The following MDFIC2 variants were observed in gnomAD, a reference collection of about 807,000 sequenced individuals.
MDFIC2 encodes MyoD family inhibitor domain containing 2, also known as myoD family inhibitor domain-containing protein 2.
At chr3:70,306,168 G>A (rs150777205) in intron 2 of MDFIC2, among the ~76,000 whole-genome samples, 2 of 152,148 alleles carry the variant, frequency 1.3e-5, no homozygotes, top group African/African-American at 4.8e-5. Context: ...CAATGGCGTG[G>A]TCTCAGCTCA....
chr3:70,281,202 A>G (rs1702079308), intron 2 of MDFIC2, among the ~76,000 whole-genome samples: 1 of 152,080 alleles, frequency 6.6e-6, no homozygotes, highest in Non-Finnish European at 1.5e-5. Context: ...TGCCAGAAGG[A>G]TCATATTAAA....
chr3:70,283,366 G>A (rs1702107895), intron 2 of MDFIC2, among the ~76,000 whole-genome samples: 1 of 152,082 alleles, frequency 6.6e-6, no homozygotes, highest in African/African-American at 2.4e-5. Flanking sequence ...CTGGACTTTG[G>A]AGAACCTGAA....
In MDFIC2 at chr3:70,298,957, C is replaced by A. The variant is rs1202987002; in HGVS notation, c.88+12929G>T. ...AATACTTCTGCACATATATTTTATG[C>A]AACTAAGCTGAGGCATTGATGTGCA... On this transcript the variant is annotated intron_variant, in intron 2 of 3. Coordinates refer to ENST00000567252, the MANE Select transcript of MDFIC2 (RefSeq NM_001364677.1). Among the ~76,000 whole-genome samples the A allele has an allele frequency of 2.0e-5, 3 of 152,224 alleles. No homozygotes were observed. The South Asian group carries it at 6.2e-4, about 32-fold the overall frequency.
intron 2 of MDFIC2, among the ~76,000 whole-genome samples, chr3:70,210,012 A>C (rs1412287200): frequency 6.6e-6 from 1 of 152,106 alleles, no homozygotes; most frequent in African/African-American, 2.4e-5. Context: ...TAACAGAATT[A>C]ATTAACAATC....
Position 70,235,735 on chromosome 3 carries a change from T to A in MDFIC2, c.89-28945A>T, listed in dbSNP as rs1268333125. ...AAAGTTGGCATTCAAATCAGGCCAT[T>A]GATAATTTATTGCTGTATGACTTAG... On this transcript the variant is annotated intron_variant, in intron 2 of 3. Transcript: ENST00000567252. 2.6e-5 allele frequency among the ~76,000 whole-genome samples: 4 copies of A among 152,358 alleles called. No homozygotes were observed. In the East Asian group the frequency reaches 7.7e-4, roughly 29 times the overall value.
intron 2 of MDFIC2, among the ~76,000 whole-genome samples, chr3:70,282,970 G>C (rs1702104044): frequency 6.6e-6 from 1 of 152,132 alleles, no homozygotes; most frequent in Non-Finnish European, 1.5e-5. Flanking sequence ...AGGCAGGCCT[G>C]TCACTCAGAA....
chr3:70,262,770 G>C (rs942138223), intron 2 of MDFIC2, among the ~76,000 whole-genome samples: 12 of 152,068 alleles, frequency 7.9e-5, no homozygotes, highest in South Asian at 2.1e-4. Flanking sequence ...AAGATCTTTA[G>C]TTGTTATTTC....
Position 70,197,332 on chromosome 3 carries a change from A to G in MDFIC2, c.311-147T>C, listed in dbSNP as rs983189721. 5 of 396,486 alleles carry G rather than the reference A, an allele frequency of 1.3e-5. No individual in the cohort carries two copies. In the Admixed American group the frequency reaches 1.8e-4, roughly 14 times the overall value. The allele number at this position is 396,486 out of a possible 1,614,324, so 24.6% of individuals were successfully genotyped here. On this transcript the variant is annotated intron_variant, in intron 3 of 3. Transcript: ENST00000567252. The stretch of plus-strand genomic sequence containing the variant: ...GGTAATGTACACCCTTCTTCTCTCA[A>G]GCTCCCCCACCCCCATGTCAGTACT...
chr3:70,253,337 T>G (rs746887656), intron 2 of MDFIC2, among the ~76,000 whole-genome samples: 7 of 152,024 alleles, frequency 4.6e-5, no homozygotes, highest in Non-Finnish European at 8.8e-5. Flanking sequence ...GGGGTGTGCA[T>G]GGAGTCCAAG....
At chr3:70,234,508 G>A (rs1701589718) in intron 2 of MDFIC2, among the ~76,000 whole-genome samples, 1 of 151,980 alleles carries the variant, frequency 6.6e-6, no homozygotes, top group African/African-American at 2.4e-5. Context: ...AATCAGCCAG[G>A]CATGGTGGCA....
intron 2 of MDFIC2, among the ~76,000 whole-genome samples, chr3:70,244,294 C>G (rs1701685924): frequency 2.6e-5 from 4 of 152,186 alleles, no homozygotes; most frequent in Admixed American, 2.6e-4. Context: ...TGAAATGCTG[C>G]CGACCACTGC....
At chr3:70,258,839 GCAGGTGATGACC>G (rs1701841047) in intron 2 of MDFIC2, among the ~76,000 whole-genome samples, 1 of 152,046 alleles carries the variant, frequency 6.6e-6, no homozygotes. Flanking sequence ...AACGCTGAGA[GCAGGTGATGACC>G]CTATGATTGA....
chr3:70,290,900 G>A (rs1421738055), intron 2 of MDFIC2, among the ~76,000 whole-genome samples: 1 of 152,200 alleles, frequency 6.6e-6, no homozygotes, highest in African/African-American at 2.4e-5. Context: ...GTGAGGCAAT[G>A]CCTCGCCCTG....
chr3:70,258,592 T>C lies in MDFIC2; in HGVS notation c.89-51802A>G, dbSNP rs557270646. ...ATCCATTGTAAACAGGGAATACTGA[T>C]TGGCACAATCTTTTAAAATATTCAT... On this transcript the variant is annotated intron_variant, in intron 2 of 3. Coordinates refer to ENST00000567252, the MANE Select transcript of MDFIC2 (RefSeq NM_001364677.1). 9.8e-5 allele frequency among the ~76,000 whole-genome samples: 15 copies of C among 152,288 alleles called. No homozygotes were observed. In the East Asian group the frequency reaches 2.5e-3, roughly 25 times the overall value.
At chr3:70,283,133 T>G (rs1425806535) in intron 2 of MDFIC2, among the ~76,000 whole-genome samples, 1 of 152,172 alleles carries the variant, frequency 6.6e-6, no homozygotes, top group Non-Finnish European at 1.5e-5. Context: ...GCATTTATCT[T>G]GACATCAACA....
At chr3:70,294,072 AC>A in intron 2 of MDFIC2, among the ~76,000 whole-genome samples, 1 of 152,236 alleles carries the variant, frequency 6.6e-6, no homozygotes, top group African/African-American at 2.4e-5. Flanking sequence ...CTTTATAAAG[AC>A]ATGGCCATGT....
chr3:70,265,329 A>T (rs1002000062), intron 2 of MDFIC2, among the ~76,000 whole-genome samples: 1 of 152,208 alleles, frequency 6.6e-6, no homozygotes, highest in African/African-American at 2.4e-5. Flanking sequence ...CCCAAGTGTG[A>T]TATTCTTTTC....
At chr3:70,263,991 C>T (rs1575609847) in intron 2 of MDFIC2, among the ~76,000 whole-genome samples, 3 of 152,326 alleles carry the variant, frequency 2.0e-5, no homozygotes, top group African/African-American at 4.8e-5. Flanking sequence ...GGCTCTCCTA[C>T]TCTGTCATGA....
chr3:70,203,392 A>T (rs1225212800), intron 3 of MDFIC2, among the ~76,000 whole-genome samples: 1 of 152,138 alleles, frequency 6.6e-6, no homozygotes, highest in Non-Finnish European at 1.5e-5. Flanking sequence ...ATAAAGAGTG[A>T]TTGAATGCCT....
Sources: allele counts gnomAD v4.1 joint callset (sites outside exome capture counted in the v4.1 genomes callset), GRCh38; gene constraint gnomAD v4.1.1; transcripts MANE v1.5; gene names NCBI Gene and HGNC (gene_info 2026-07-23, HGNC 2026-07-21).